Variants in SOX1 observed in about 807,000 individuals in gnomAD.
SOX1 encodes the protein SRY-box transcription factor 1.
SOX1 carries 1 observed loss-of-function variant against 0.9 expected under a neutral mutation model. That is an observed-to-expected ratio of 1.07 (90% confidence interval 0.38 to 5.06). The LOEUF (loss-of-function observed/expected upper bound fraction) is 5.06, where lower values mean the gene tolerates loss of function less well. SOX1 is among the 30% of genes most tolerant of loss of function. The pLI is 0.16. For synonymous variants in SOX1, 397 were observed against 265.5 expected, an observed-to-expected ratio of 1.50 and a Z score of -4.81; for missense variants, 564 against 534.4, an observed-to-expected ratio of 1.06 and a Z score of -0.55.
Position 112,070,406 on chromosome 13 carries a change from GTTTT to G in SOX1, c.*1579_*1582del, listed in dbSNP as rs34561530. The G allele has an allele frequency of 1.2e-5, 2 of 161,524 alleles. No individual in the cohort carries two copies. Among genetic ancestry groups the G allele is most frequent in the Non-Finnish European group, 3.0e-5 (2 of 67,108 alleles). 10.0% of individuals were successfully genotyped at this position (161,524 alleles called of 1,614,324 possible). On this transcript the variant is annotated 3_prime_UTR_variant, in exon 1 of 1. Coordinates refer to ENST00000330949, the MANE Select transcript of SOX1 (RefSeq NM_005986.3). Reference sequence around the variant, plus strand: ...TCTAGGTGTTTATTGGTACATTGCAGTTTTTTTTTTGAAATTTAAAAATTTCTGT... The same window carrying G: ...TCTAGGTGTTTATTGGTACATTGCAGTTTTTTGAAATTTAAAAATTTCTGT...
rs1199130372 is a variant in SOX1 at position 112,069,451 on chromosome 13, T to A, written c.*617T>A. ...TATGTATCTGAGCATTTCCATTTTT[T>A]TTTTTGGGTTTTGTATTATTTCTTG... On this transcript the variant is annotated 3_prime_UTR_variant, in exon 1 of 1. Coordinates refer to ENST00000330949, the MANE Select transcript of SOX1 (RefSeq NM_005986.3). 1 of 167,102 alleles carries A rather than the reference T, an allele frequency of 6.0e-6. No homozygotes were observed. Among genetic ancestry groups the A allele is most frequent in the Non-Finnish European group, 1.5e-5 (1 of 68,132 alleles). 10.4% of individuals were successfully genotyped at this position (167,102 alleles called of 1,614,324 possible).
chr13:112,069,067 G>C lies in SOX1; in HGVS notation c.*233G>C, dbSNP rs1471538694. ...AGACTTGGGTTTTAGACTGAACTTCGGTGTTTTCTTGAGACTTTTTGTACA... is the reference window on the plus strand; with the variant it reads ...AGACTTGGGTTTTAGACTGAACTTCCGTGTTTTCTTGAGACTTTTTGTACA... On this transcript the variant is annotated 3_prime_UTR_variant, in exon 1 of 1. Transcript: ENST00000330949. The C allele has an allele frequency of 3.6e-6, 1 of 277,286 alleles. No individual in the cohort carries two copies. Among genetic ancestry groups the C allele is most frequent in the Non-Finnish European group, 7.1e-6 (1 of 140,318 alleles). 17.2% of individuals were successfully genotyped at this position (277,286 alleles called of 1,614,324 possible). A position where few individuals can be genotyped will look rare whatever the true frequency, so the allele number is the denominator to read the frequency against.
rs1418170279 is a variant in SOX1, at chr13:112,071,282, C to T, written c.*2448C>T. ...CAGACTATGAAAAGCTGAGTTAGTG[C>T]GCCCGGGACGCCAGGCAAGCAGCTT... On this transcript the variant is annotated 3_prime_UTR_variant, in exon 1 of 1. Coordinates refer to ENST00000330949, the MANE Select transcript of SOX1 (RefSeq NM_005986.3). 6.6e-6 allele frequency among the ~76,000 whole-genome samples: 1 copy of T among 152,326 alleles called. No homozygotes were observed. The highest frequency in any genetic ancestry group is 2.1e-4 in the South Asian group (1 of 4,826).
chr13:112,067,625 C>A lies in SOX1; in HGVS notation c.-34C>A. On this transcript the variant is annotated 5_prime_UTR_variant, in exon 1 of 1. Coordinates refer to ENST00000330949, the MANE Select transcript of SOX1 (RefSeq NM_005986.3). The surrounding 1 kb of genome is among the most constrained non-coding windows in gnomAD (Gnocchi z 5.1). ...CGGCCGTCTATGCTCCAGGCCCTCTCCTCGCGGTGCCGGTGAACCCGCCAG... is the reference window on the plus strand; with the variant it reads ...CGGCCGTCTATGCTCCAGGCCCTCTACTCGCGGTGCCGGTGAACCCGCCAG... 8.0e-7 allele frequency: 1 copy of A among 1,248,746 alleles called. No individual in the cohort carries two copies. The highest frequency in any genetic ancestry group is 3.3e-5 in the South Asian group (1 of 30,138). The allele number at this position is 1,248,746 out of a possible 1,614,324, so 77.4% of individuals were successfully genotyped here. A position where few individuals can be genotyped will look rare whatever the true frequency, so the allele number is the denominator to read the frequency against.
rs1195562725 is a variant in SOX1, at chr13:112,070,386, G to A, written c.*1552G>A. Reference sequence around the variant, plus strand: ...ATTTTTTAATTATATTATTTTCTAGGTGTTTATTGGTACATTGCAGTTTTT... The same window carrying A: ...ATTTTTTAATTATATTATTTTCTAGATGTTTATTGGTACATTGCAGTTTTT... On this transcript the variant is annotated 3_prime_UTR_variant, in exon 1 of 1. Transcript: ENST00000330949. 6.0e-6 allele frequency: 1 copy of A among 166,208 alleles called. No homozygotes were observed. Among genetic ancestry groups the A allele is most frequent in the African/African-American group, 2.4e-5 (1 of 41,162 alleles). The allele number at this position is 166,208 out of a possible 1,614,324, so 10.3% of individuals were successfully genotyped here.
Position 112,068,068 on chromosome 13 carries a change from T to TGGCCGGCGGGCTCCTGGC in SOX1, c.419_436dup (p.Gly140_Gly145dup). ...CTGCTCAAGAAGGACAAGTACTCGC[T>TGGCCGGCGGGCTCCTGGC]GGCCGGCGGGCTCCTGGCGGCCGGC... On this transcript the variant is annotated inframe_insertion, in exon 1 of 1. Coordinates refer to ENST00000330949, the MANE Select transcript of SOX1 (RefSeq NM_005986.3). The surrounding 1 kb of genome is among the most constrained non-coding windows in gnomAD (Gnocchi z 6.9). 4 of 1,571,390 alleles carry TGGCCGGCGGGCTCCTGGC rather than the reference T, an allele frequency of 2.5e-6. No homozygotes were observed. Among genetic ancestry groups the TGGCCGGCGGGCTCCTGGC allele is most frequent in the Non-Finnish European group, 2.6e-6 (3 of 1,158,418 alleles).
chr13:112,070,348 T>G lies in SOX1; in HGVS notation c.*1514T>G, dbSNP rs1471659067. 6.0e-6 allele frequency: 1 copy of G among 167,090 alleles called. No individual in the cohort carries two copies. The highest frequency in any genetic ancestry group is 1.5e-5 in the Non-Finnish European group (1 of 68,124). The allele number at this position is 167,090 out of a possible 1,614,324, so 10.4% of individuals were successfully genotyped here. A position where few individuals can be genotyped will look rare whatever the true frequency, so the allele number is the denominator to read the frequency against. On this transcript the variant is annotated 3_prime_UTR_variant, in exon 1 of 1. Coordinates refer to ENST00000330949, the MANE Select transcript of SOX1 (RefSeq NM_005986.3). ...TATTCCTGACGAGATCTTGAGGTTG[T>G]TTGATGCTTTAAATTTTTTAATTAT...
chr13:112,068,442 T>C lies in SOX1; in HGVS notation c.784T>C (p.Ser262Pro). ...GCTGCAGTACAGCCCCATCTCCAACTCGCAGGGCTACATGAGCGCGTCGCC... is the reference window on the plus strand; with the variant it reads ...GCTGCAGTACAGCCCCATCTCCAACCCGCAGGGCTACATGAGCGCGTCGCC... Reference protein sequence around the residue: ...GALQYSPISNSQGYMSASPSG... With the variant: ...GALQYSPISNPQGYMSASPSG... The change falls in exon 1 of 1, where the codon TCG (serine) becomes CCG (proline). Residue 262 changes from serine to proline, a missense_variant. Ser to Pro is a moderately conservative substitution (Grantham distance 74). Transcript: ENST00000330949. The surrounding 1 kb of genome is among the most constrained non-coding windows in gnomAD (Gnocchi z 6.9). The C allele has an allele frequency of 8.1e-7, 1 of 1,233,110 alleles. No homozygotes were observed. The highest frequency in any genetic ancestry group is 1.0e-6 in the Non-Finnish European group (1 of 966,114). The allele number at this position is 1,233,110 out of a possible 1,614,324, so 76.4% of individuals were successfully genotyped here. A position where few individuals can be genotyped will look rare whatever the true frequency, so the allele number is the denominator to read the frequency against.
At position 112,069,445 on chromosome 13, in the gene SOX1, A is replaced by AT. The variant is rs112744108; in HGVS notation, c.*622dup. On this transcript the variant is annotated 3_prime_UTR_variant, in exon 1 of 1. Transcript: ENST00000330949. Reference sequence around the variant, plus strand: ...AAACTTTATGTATCTGAGCATTTCCATTTTTTTTTTTGGGTTTTGTATTAT... The same window carrying AT: ...AAACTTTATGTATCTGAGCATTTCCATTTTTTTTTTTTGGGTTTTGTATTAT... The AT allele has an allele frequency of 0.019, 2,975 of 156,804 alleles. 25 individuals carry two copies. Among genetic ancestry groups the AT allele is most frequent in the East Asian group, 0.038 (191 of 5,000 alleles). 9.7% of individuals were successfully genotyped at this position (156,804 alleles called of 1,614,324 possible).
At position 112,068,180 on chromosome 13, in the gene SOX1, C is replaced by G. The variant is rs1429550149; in HGVS notation, c.522C>G (p.Gly174=). The change falls in exon 1 of 1, where the codon GGC becomes GGG. Residue 174 remains glycine, a synonymous_variant. Coordinates refer to ENST00000330949, the MANE Select transcript of SOX1 (RefSeq NM_005986.3). The surrounding 1 kb of genome is among the most constrained non-coding windows in gnomAD (Gnocchi z 6.9). The part of the protein sequence containing the change: ...AAVGQRLESP[G]GAAGGGYAHV... ...TGGGCCAGCGCCTGGAGAGCCCAGG[C>G]GGCGCGGCGGGCGGCGGCTACGCGC... 7.1e-6 allele frequency: 6 copies of G among 841,220 alleles called. No individual in the cohort carries two copies. The highest frequency in any genetic ancestry group is 6.1e-5 in the Admixed American group (1 of 16,302). The allele number at this position is 841,220 out of a possible 1,614,324, so 52.1% of individuals were successfully genotyped here.
In SOX1 at chr13:112,068,489, C is replaced by T. The variant is rs1277673230; in HGVS notation, c.831C>T (p.Pro277=). 4.7e-6 allele frequency: 5 copies of T among 1,069,718 alleles called. No individual in the cohort carries two copies. The highest frequency in any genetic ancestry group is 5.6e-6 in the Non-Finnish European group (5 of 885,046). 66.3% of individuals were successfully genotyped at this position (1,069,718 alleles called of 1,614,324 possible). A position where few individuals can be genotyped will look rare whatever the true frequency, so the allele number is the denominator to read the frequency against. The stretch of plus-strand genomic sequence containing the variant: ...CGCCCTCGGGCTACGGCGGCCTCCC[C>T]TACGGCGCCGCGGCCGCCGCCGCCG... ...SASPSGYGGL[P]YGAAAAAAAA... is the part of the protein sequence containing the mutation. The change falls in exon 1 of 1, where the codon CCC becomes CCT. Residue 277 remains proline, a synonymous_variant. Coordinates refer to ENST00000330949, the MANE Select transcript of SOX1 (RefSeq NM_005986.3). This position sits in a 1 kb window ranked among gnomAD's most constrained non-coding sequence, Gnocchi z 6.9.
Position 112,067,665 on chromosome 13 carries a change from A to G in SOX1, c.7A>G (p.Ser3Gly), listed in dbSNP as rs1333401182. Reference sequence around the variant, plus strand: ...GAACCCGCCAGCCGCCCCGATGTACAGCATGATGATGGAGACCGACCTGCA... The same window carrying G: ...GAACCCGCCAGCCGCCCCGATGTACGGCATGATGATGGAGACCGACCTGCA... MYSMMMETDLHSP... is the reference protein window; with the variant it reads MYGMMMETDLHSP... Residue 3 changes from serine (S) to glycine (G), a missense_variant, in exon 1 of 1, where the codon AGC (serine) becomes GGC (glycine). Physicochemically the swap from Ser to Gly is moderately conservative, Grantham distance 56. Transcript: ENST00000330949. The surrounding 1 kb of genome is among the most constrained non-coding windows in gnomAD (Gnocchi z 5.1). The G allele has an allele frequency of 2.4e-6, 3 of 1,273,434 alleles. No homozygotes were observed. Among genetic ancestry groups the G allele is most frequent in the Non-Finnish European group, 1.0e-6 (1 of 998,412 alleles). 78.9% of individuals were successfully genotyped at this position (1,273,434 alleles called of 1,614,324 possible). A position where few individuals can be genotyped will look rare whatever the true frequency, so the allele number is the denominator to read the frequency against.
Position 112,068,489 on chromosome 13 carries a change from C to A in SOX1, c.831C>A (p.Pro277=). ...SASPSGYGGL[P]YGAAAAAAAA... is the part of the protein sequence containing the mutation. Reference sequence around the variant, plus strand: ...CGCCCTCGGGCTACGGCGGCCTCCCCTACGGCGCCGCGGCCGCCGCCGCCG... The same window carrying A: ...CGCCCTCGGGCTACGGCGGCCTCCCATACGGCGCCGCGGCCGCCGCCGCCG... The change falls in exon 1 of 1, where the codon CCC becomes CCA. Residue 277 remains proline (P), a synonymous_variant. Coordinates refer to ENST00000330949, the MANE Select transcript of SOX1 (RefSeq NM_005986.3). This position sits in a 1 kb window ranked among gnomAD's most constrained non-coding sequence, Gnocchi z 6.9. 3.7e-6 allele frequency: 4 copies of A among 1,069,716 alleles called. No homozygotes were observed. Among genetic ancestry groups the A allele is most frequent in the Non-Finnish European group, 4.5e-6 (4 of 885,044 alleles). The allele number at this position is 1,069,716 out of a possible 1,614,324, so 66.3% of individuals were successfully genotyped here. A position where few individuals can be genotyped will look rare whatever the true frequency, so the allele number is the denominator to read the frequency against.
At position 112,070,773 on chromosome 13, in the gene SOX1, T is replaced by C. The variant is rs1875844314; in HGVS notation, c.*1939T>C. ...CGTGTAATTTGGGAAGTCATTTTGATAATTTTGCTTAAACCACTCATTCGT... is the reference window on the plus strand; with the variant it reads ...CGTGTAATTTGGGAAGTCATTTTGACAATTTTGCTTAAACCACTCATTCGT... On this transcript the variant is annotated 3_prime_UTR_variant, in exon 1 of 1. Transcript: ENST00000330949. 6.6e-6 allele frequency among the ~76,000 whole-genome samples: 1 copy of C among 152,242 alleles called. No homozygotes were observed. Among genetic ancestry groups the C allele is most frequent in the African/African-American group, 2.4e-5 (1 of 41,454 alleles).
At position 112,067,364 on chromosome 13, in the gene SOX1, G is replaced by A. The variant is rs972631189; in HGVS notation, c.-295G>A. ...CTGCACCTGTTTGCACCGCTCCGCC[G>A]AGGGCGCCTGGGCTGCGGTGGCGGC... is the stretch of plus-strand genomic sequence containing the variant. On this transcript the variant is annotated 5_prime_UTR_variant, in exon 1 of 1. Coordinates refer to ENST00000330949, the MANE Select transcript of SOX1 (RefSeq NM_005986.3). The surrounding 1 kb of genome is among the most constrained non-coding windows in gnomAD (Gnocchi z 5.1). 2.0e-5 allele frequency among the ~76,000 whole-genome samples: 3 copies of A among 152,304 alleles called. No individual in the cohort carries two copies. The highest frequency in any genetic ancestry group is 1.9e-4 in the East Asian group (1 of 5,142).
rs756999555 is a variant in SOX1 at position 112,067,952 on chromosome 13, G to A, written c.294G>A (p.Arg98=). The A allele has an allele frequency of 1.2e-6, 2 of 1,607,402 alleles. No individual in the cohort carries two copies. Among genetic ancestry groups the A allele is most frequent in the Admixed American group, 3.4e-5 (2 of 59,568 alleles). ...AGGTCATGTCCGAGGCCGAGAAGCG[G>A]CCGTTCATCGACGAGGCCAAGCGGC... The part of the protein sequence containing the change: ...EWKVMSEAEK[R]PFIDEAKRLR... The change falls in exon 1 of 1, where the codon CGG becomes CGA. Residue 98 remains arginine, a synonymous_variant. Transcript: ENST00000330949. This position sits in a 1 kb window ranked among gnomAD's most constrained non-coding sequence, Gnocchi z 5.1.
Position 112,068,177 on chromosome 13 carries a change from A to C in SOX1, c.519A>C (p.Pro173=). ...AAAVGQRLES[P]GGAAGGGYAH... ...CCGTGGGCCAGCGCCTGGAGAGCCCAGGCGGCGCGGCGGGCGGCGGCTACG... is the reference window on the plus strand; with the variant it reads ...CCGTGGGCCAGCGCCTGGAGAGCCCCGGCGGCGCGGCGGGCGGCGGCTACG... Residue 173 remains proline (P), a synonymous_variant, in exon 1 of 1, where the codon CCA becomes CCC. Coordinates refer to ENST00000330949, the MANE Select transcript of SOX1 (RefSeq NM_005986.3). The surrounding 1 kb of genome is among the most constrained non-coding windows in gnomAD (Gnocchi z 6.9). The C allele has an allele frequency of 1.2e-6, 1 of 848,682 alleles. No homozygotes were observed. Among genetic ancestry groups the C allele is most frequent in the South Asian group, 5.2e-5 (1 of 19,174 alleles). The allele number at this position is 848,682 out of a possible 1,614,324, so 52.6% of individuals were successfully genotyped here.
At position 112,071,101 on chromosome 13, in the gene SOX1, T is replaced by C. The variant is rs1414064640; in HGVS notation, c.*2267T>C. On this transcript the variant is annotated 3_prime_UTR_variant, in exon 1 of 1. Transcript: ENST00000330949. ...GACCTTGAGGGTTTTCTCTGAAATA[T>C]ACAAACTTAAAGGACTCTCTCTGAG... Among the ~76,000 whole-genome samples, 1 of 152,214 alleles carries C rather than the reference T, an allele frequency of 6.6e-6. No homozygotes were observed. Among genetic ancestry groups the C allele is most frequent in the Non-Finnish European group, 1.5e-5 (1 of 68,038 alleles).
Position 112,069,012 on chromosome 13 carries a change from A to AG in SOX1, c.*179dup. The AG allele has an allele frequency of 2.5e-6, 1 of 403,370 alleles. No individual in the cohort carries two copies. Among genetic ancestry groups the AG allele is most frequent in the Middle Eastern group, 8.6e-4 (1 of 1,164 alleles). 25.0% of individuals were successfully genotyped at this position (403,370 alleles called of 1,614,324 possible). A position where few individuals can be genotyped will look rare whatever the true frequency, so the allele number is the denominator to read the frequency against. On this transcript the variant is annotated 3_prime_UTR_variant, in exon 1 of 1. Coordinates refer to ENST00000330949, the MANE Select transcript of SOX1 (RefSeq NM_005986.3). Reference sequence around the variant, plus strand: ...CGTGTCCCCCACTCACCTTCCCCGGAGACCCTGGCGACCGCCGGGCGCTGA... The same window carrying AG: ...CGTGTCCCCCACTCACCTTCCCCGGAGGACCCTGGCGACCGCCGGGCGCTGA...
Sources: gnomAD v4.1 joint callset for allele counts (sites outside exome capture counted in the v4.1 genomes callset) on GRCh38, gnomAD v4.1.1 for gene constraint, Gnocchi (gnomAD v3.1) non-coding constraint, MANE v1.5 for transcripts, NCBI Gene and HGNC (gene_info 2026-07-23, HGNC 2026-07-21) for gene names.